The following KCNAB1 variants were observed in gnomAD, a reference collection of about 807,000 sequenced individuals.
KCNAB1 encodes voltage-gated potassium channel subunit beta-1.
KCNAB1 carries 35 observed loss-of-function variants against 64.6 expected under a neutral mutation model. That is an observed-to-expected ratio of 0.54 (90% confidence interval 0.41 to 0.72). The LOEUF (loss-of-function observed/expected upper bound fraction) is 0.72. Among genes scored for constraint, KCNAB1 ranks in the 30% least tolerant of loss-of-function variants. The pLI is 0.00. For synonymous variants in KCNAB1, 177 were observed against 183.8 expected (o/e 0.96, Z 0.30); for missense variants, 401 against 512.9 (o/e 0.78, Z 2.11).
At chr3:156,293,968 C>T (rs1720623675) in intron 1 of KCNAB1, among the ~76,000 whole-genome samples, 1 of 152,226 alleles carries the variant, frequency 6.6e-6, no homozygotes, top group Non-Finnish European at 1.5e-5. Flanking sequence ...ATTGTGGCCT[C>T]TAGTACTTTC....
upstream of KCNAB1, among the ~76,000 whole-genome samples, chr3:156,119,927 C>T (rs747901401): frequency 6.6e-6 from 1 of 152,172 alleles, no homozygotes; most frequent in Non-Finnish European, 1.5e-5. Flanking sequence ...TCCCAATTAT[C>T]AGATGATTCT....
intron 7 of KCNAB1, among the ~76,000 whole-genome samples, chr3:156,469,259 T>C (rs1220986885): frequency 2.2e-5 from 3 of 134,658 alleles, no homozygotes; most frequent in Non-Finnish European, 3.2e-5. Context: ...TTTTTTTTTT[T>C]TTTTTTTTTT....
chr3:156,326,693 T>C (rs1338822852), intron 1 of KCNAB1, among the ~76,000 whole-genome samples: 2 of 152,146 alleles, frequency 1.3e-5, no homozygotes, highest in Non-Finnish European at 2.9e-5. Flanking sequence ...CTGTTCTCTC[T>C]ACCTGGAAAG....
At chr3:156,138,216 G>A (rs1358811731) in intron 1 of KCNAB1, among the ~76,000 whole-genome samples, 1 of 152,218 alleles carries the variant, frequency 6.6e-6, no homozygotes. Flanking sequence ...CCTCTAGATG[G>A]TTCCCAGTGA....
At chr3:156,293,366 T>G (rs979937851) in intron 1 of KCNAB1, among the ~76,000 whole-genome samples, 1 of 152,220 alleles carries the variant, frequency 6.6e-6, no homozygotes, top group Non-Finnish European at 1.5e-5. Context: ...TCTCTTGTCT[T>G]TGTTAGGAAC....
At chr3:156,152,400 G>C (rs1223255814) in intron 1 of KCNAB1, among the ~76,000 whole-genome samples, 1 of 152,210 alleles carries the variant, frequency 6.6e-6, no homozygotes, top group East Asian at 1.9e-4. Flanking sequence ...TGAAGTGGCA[G>C]CCGAAGGAGA....
At chr3:156,128,664 A>T (rs2108262123) in intron 1 of KCNAB1, among the ~76,000 whole-genome samples, 1 of 152,320 alleles carries the variant, frequency 6.6e-6, no homozygotes, top group Non-Finnish European at 1.5e-5. Context: ...CCCAGATCCC[A>T]GGTCTCCTGG....
chr3:156,180,693 G>A (rs1712746505), intron 1 of KCNAB1, among the ~76,000 whole-genome samples: 1 of 152,140 alleles, frequency 6.6e-6, no homozygotes, highest in Non-Finnish European at 1.5e-5. Flanking sequence ...GATGATGATA[G>A]AGATGAGTAA....
intron 1 of KCNAB1, among the ~76,000 whole-genome samples, chr3:156,416,765 A>G (rs1226966776): frequency 6.6e-6 from 1 of 152,234 alleles, no homozygotes; most frequent in Non-Finnish European, 1.5e-5. Flanking sequence ...AATTAATTAT[A>G]GGAAAGTCTC....
At chr3:156,195,312 T>C (rs1713842688) in intron 1 of KCNAB1, among the ~76,000 whole-genome samples, 1 of 152,198 alleles carries the variant, frequency 6.6e-6, no homozygotes, top group Non-Finnish European at 1.5e-5. Flanking sequence ...GCAGTGGGAA[T>C]GCTGGATCAA....
At chr3:156,263,262 T>A (rs1032317002) in intron 1 of KCNAB1, among the ~76,000 whole-genome samples, 2 of 151,984 alleles carry the variant, frequency 1.3e-5, no homozygotes, top group Admixed American at 1.3e-4. Flanking sequence ...GATATAGGTG[T>A]TTAAAGCTCT....
intron 1 of KCNAB1, among the ~76,000 whole-genome samples, chr3:156,326,678 A>G (rs143160230): frequency 1.3e-5 from 2 of 152,114 alleles, no homozygotes; most frequent in Non-Finnish European, 2.9e-5. Flanking sequence ...GGACCTTTGC[A>G]CTTGCTGTTC....
At chr3:156,286,100 G>A (rs1391940893) in intron 1 of KCNAB1, among the ~76,000 whole-genome samples, 6 of 152,208 alleles carry the variant, frequency 3.9e-5, no homozygotes, top group Non-Finnish European at 7.3e-5. Context: ...AGGGAAGTAG[G>A]AGGGTAGACA....
At chr3:156,320,353 A>G (rs796320202) in intron 1 of KCNAB1, among the ~76,000 whole-genome samples, 3 of 152,344 alleles carry the variant, frequency 2.0e-5, no homozygotes, top group African/African-American at 7.2e-5. Flanking sequence ...ATCCTACACA[A>G]AAGATTTATT....
At position 156,531,403 on chromosome 3, in the gene KCNAB1, T is replaced by C; in HGVS notation, c.1082-6T>C. The C allele has an allele frequency of 6.2e-7, 1 of 1,608,770 alleles. No homozygotes were observed. Among genetic ancestry groups the C allele is most frequent in the Non-Finnish European group, 8.5e-7 (1 of 1,175,060 alleles). On this transcript the variant is annotated splice_polypyrimidine_tract_variant and splice_region_variant and intron_variant, in intron 12 of 13. Coordinates refer to ENST00000490337, the MANE Select transcript of KCNAB1 (RefSeq NM_172160.3). ...GATAAACTGACCCAGTGTCCTCTCC[T>C]CCCAGCGTGGTGCCTGAGAAATGAA...
chr3:156,431,216 T>G (rs1716188205), intron 2 of KCNAB1, among the ~76,000 whole-genome samples: 1 of 152,204 alleles, frequency 6.6e-6, no homozygotes. Flanking sequence ...AGCAGCAGCC[T>G]GACTAAGGCA....
intron 1 of KCNAB1, among the ~76,000 whole-genome samples, chr3:156,171,639 A>G (rs181855360): frequency 2.6e-5 from 4 of 152,348 alleles, no homozygotes; most frequent in South Asian, 2.1e-4. Context: ...TAAGAAGCCA[A>G]TTGCAAGAAA....
chr3:156,228,187 T>A (rs1382778785), intron 1 of KCNAB1, among the ~76,000 whole-genome samples: 2 of 152,154 alleles, frequency 1.3e-5, no homozygotes, highest in African/African-American at 4.8e-5. Flanking sequence ...AGTAACTGTG[T>A]CGGTGGGAAG....
At chr3:156,137,124 T>C (rs1054369444) in intron 1 of KCNAB1, among the ~76,000 whole-genome samples, 1 of 152,076 alleles carries the variant, frequency 6.6e-6, no homozygotes, top group African/African-American at 2.4e-5. Flanking sequence ...TATTTCATTA[T>C]CTAGGTACTA....
Sources: allele counts gnomAD v4.1 joint callset (sites outside exome capture counted in the v4.1 genomes callset), GRCh38; gene constraint gnomAD v4.1.1; transcripts MANE v1.5; gene names NCBI Gene and HGNC (gene_info 2026-07-23, HGNC 2026-07-21).